Variants in AFF3 observed in about 807,000 individuals in gnomAD.
AFF3 encodes the protein ALF transcription elongation factor 3, also known as AF4/FMR2 family member 3.
AFF3 carries 32 observed loss-of-function variants against 129.7 expected under a neutral mutation model. The observed-to-expected ratio is 0.25, with a 90% CI of 0.19 to 0.33. The LOEUF (loss-of-function observed/expected upper bound fraction) is 0.33, where lower values mean the gene tolerates loss of function less well. Ranked by LOEUF, AFF3 falls within the 10% of genes least tolerant of loss-of-function variation. AFF3 has a pLI of 1.00. For missense variants in AFF3, 1,373 were observed against 1,592.0 expected, an observed-to-expected ratio of 0.86 and a Z score of 2.34; for synonymous variants, 644 against 635.4, an observed-to-expected ratio of 1.01 and a Z score of -0.20.
intron 8 of AFF3, among the ~76,000 whole-genome samples, chr2:99,793,797 AT>A (rs1558857161): frequency 6.6e-6 from 1 of 151,838 alleles, no homozygotes; most frequent in Non-Finnish European, 1.5e-5. Flanking sequence ...TATCTTTATT[AT>A]TTCTTCCTTC....
chr2:99,796,731 T>C (rs1041773783), intron 8 of AFF3, among the ~76,000 whole-genome samples: 1 of 151,924 alleles, frequency 6.6e-6, no homozygotes, highest in Admixed American at 6.6e-5. Context: ...CACAAGTACA[T>C]GAAAAAATAA....
At chr2:99,848,756 G>C (rs1381426941) in intron 7 of AFF3, among the ~76,000 whole-genome samples, 2 of 152,102 alleles carry the variant, frequency 1.3e-5, no homozygotes, top group Non-Finnish European at 2.9e-5. Context: ...TGACTTAAAG[G>C]CTTACAGAAA....
chr2:99,728,752 CA>C (rs1306909405), intron 10 of AFF3, among the ~76,000 whole-genome samples: 1 of 152,180 alleles, frequency 6.6e-6, no homozygotes, highest in Non-Finnish European at 1.5e-5. Context: ...ATTGATTAGG[CA>C]GGGCCTCAAT....
chr2:99,732,402 G>GTT (rs150304296), intron 10 of AFF3, among the ~76,000 whole-genome samples: 3 of 146,962 alleles, frequency 2.0e-5, no homozygotes, highest in South Asian at 2.2e-4. Context: ...TTTCTGGAGA[G>GTT]TTTTTTTTTT....
At chr2:99,834,618 C>T (rs1306655836) in intron 8 of AFF3, among the ~76,000 whole-genome samples, 1 of 152,212 alleles carries the variant, frequency 6.6e-6, no homozygotes, top group Non-Finnish European at 1.5e-5. Flanking sequence ...TCACCAGCAA[C>T]GTTTCTGTGG....
intron 8 of AFF3, among the ~76,000 whole-genome samples, chr2:99,829,657 G>C (rs1459731097): frequency 2.6e-5 from 4 of 152,198 alleles, no homozygotes; most frequent in Non-Finnish European, 4.4e-5. Context: ...TGTGGAGAAA[G>C]AGGAATGCTT....
intron 11 of AFF3, chr2:99,707,228 G>C (rs1677484403): frequency 1.0e-6 from 1 of 985,302 alleles, no homozygotes; most frequent in Non-Finnish European, 1.2e-6. Flanking sequence ...ATCTCCTACA[G>C]AACAGTGTCA....
chr2:99,874,334 T>C (rs895583268), intron 7 of AFF3, among the ~76,000 whole-genome samples: 12 of 152,218 alleles, frequency 7.9e-5, no homozygotes, highest in African/African-American at 2.9e-4. Flanking sequence ...TGTCCTTTTG[T>C]GTGTCTGTGT....
intron 12 of AFF3, among the ~76,000 whole-genome samples, chr2:99,655,908 T>C (rs1279326479): frequency 6.6e-6 from 1 of 152,066 alleles, no homozygotes; most frequent in Non-Finnish European, 1.5e-5. Flanking sequence ...TAGTGTTACA[T>C]TGTGAAGGTC....
intron 8 of AFF3, among the ~76,000 whole-genome samples, chr2:99,778,891 T>TGC (rs1684157325): frequency 2.4e-5 from 1 of 42,426 alleles, no homozygotes; most frequent in Non-Finnish European, 4.5e-5. Flanking sequence ...TGTGTGTGTG[T>TGC]GTGCGCGTGT....
chr2:100,119,722 A>T (rs1034601955), intron 2 of AFF3, among the ~76,000 whole-genome samples: 3 of 152,230 alleles, frequency 2.0e-5, no homozygotes, highest in Admixed American at 2.0e-4. Context: ...TGTGGTTTAC[A>T]GGGGACAAAC....
At chr2:100,032,443 T>G (rs1046879464) in intron 4 of AFF3, among the ~76,000 whole-genome samples, 1 of 147,670 alleles carries the variant, frequency 6.8e-6, no homozygotes, top group Non-Finnish European at 1.5e-5. Context: ...AAAAAAAAAG[T>G]ATGCCCAAGA....
chr2:99,659,843 G>A (rs1686071310), intron 12 of AFF3, among the ~76,000 whole-genome samples: 4 of 152,100 alleles, frequency 2.6e-5, no homozygotes, highest in Non-Finnish European at 5.9e-5. Context: ...AGACCTGTGT[G>A]CGCAGAAACC....
chr2:99,794,925 T>A (rs893817782), intron 8 of AFF3, among the ~76,000 whole-genome samples: 4 of 152,176 alleles, frequency 2.6e-5, no homozygotes, highest in Non-Finnish European at 5.9e-5. Flanking sequence ...GGAGGGCAAA[T>A]TCTATACCAT....
At chr2:99,867,162 A>C (rs1691482129) in intron 7 of AFF3, among the ~76,000 whole-genome samples, 1 of 152,120 alleles carries the variant, frequency 6.6e-6, no homozygotes, top group South Asian at 2.1e-4. Flanking sequence ...CATAAGGTGT[A>C]GCCATTCTTC....
At chr2:100,062,989 G>A (rs1227298700) in intron 4 of AFF3, among the ~76,000 whole-genome samples, 2 of 151,692 alleles carry the variant, frequency 1.3e-5, no homozygotes, top group South Asian at 4.2e-4. Flanking sequence ...AGTGGCTCAC[G>A]ACCGTAATCC....
intron 13 of AFF3, among the ~76,000 whole-genome samples, chr2:99,635,001 A>ACACACG: frequency 6.7e-6 from 1 of 149,910 alleles, no homozygotes; most frequent in East Asian, 1.9e-4. Context: ...ACACACACAC[A>ACACACG]CATATGGTTG....
rs763715646 is a variant in AFF3 at position 99,594,217 on chromosome 2, T to G, written c.1444A>C (p.Ile482Leu). Reference sequence around the variant, plus strand: ...CCGTGGCTTTCATTTTGGATCAGAATAGGAGGCTTGTGGGGATTAACTTTG... The same window carrying G: ...CCGTGGCTTTCATTTTGGATCAGAAGAGGAGGCTTGTGGGGATTAACTTTG... ...LNKVNPHKPP[I>L]LIQNESHGSE... The change falls in exon 15 of 25, where the codon ATT (isoleucine) becomes CTT (leucine). Residue 482 changes from isoleucine to leucine, a missense_variant. Around this residue, in one of 9 missense-constraint regions of AFF3, gnomAD observed 413 missense variants for 424.4 expected, o/e 0.97. Transcript: ENST00000672756. 2 of 1,613,898 alleles carry G rather than the reference T, an allele frequency of 1.2e-6. No individual in the cohort carries two copies. Among genetic ancestry groups the G allele is most frequent in the Non-Finnish European group, 8.5e-7 (1 of 1,179,946 alleles).
chr2:99,692,020 C>G (rs1338613930), intron 11 of AFF3, among the ~76,000 whole-genome samples: 2 of 152,188 alleles, frequency 1.3e-5, no homozygotes, highest in Admixed American at 6.5e-5. Context: ...GCCTTCTCCC[C>G]CTTCTTGGAG....
Sources: gnomAD v4.1 joint callset for allele counts (sites outside exome capture counted in the v4.1 genomes callset) on GRCh38, gnomAD v4.1.1 for gene constraint, gnomAD v4.1.1 regional missense constraint, MANE v1.5 for transcripts, NCBI Gene and HGNC (gene_info 2026-07-23, HGNC 2026-07-21) for gene names.